GCFC2: variants seen among roughly 807,000 people sequenced by gnomAD.
GCFC2 encodes intron Large complex component GCFC2.
Under a neutral mutation model 99.4 loss-of-function variants are expected in GCFC2, and 102 were observed. That is an observed-to-expected ratio of 1.03 (90% confidence interval 0.87 to 1.21). The LOEUF is 1.21. GCFC2 is among the 50% of genes most tolerant of loss of function. GCFC2 has a pLI of 0.00. For synonymous variants in GCFC2, 338 were observed against 316.8 expected (o/e 1.07, Z -0.71); for missense variants, 973 against 920.9 (o/e 1.06, Z -0.73).
intron 2 of GCFC2, among the ~76,000 whole-genome samples, chr2:75,705,404 A>G (rs1680807542): frequency 6.6e-6 from 1 of 152,052 alleles, no homozygotes; most frequent in Non-Finnish European, 1.5e-5. Context: ...TGGGCAGATC[A>G]AGAGGTCAGG....
intron 11 of GCFC2, among the ~76,000 whole-genome samples, chr2:75,687,449 A>G (rs1679870708): frequency 6.6e-6 from 1 of 152,186 alleles, no homozygotes; most frequent in South Asian, 2.1e-4. Flanking sequence ...GAGATACTGT[A>G]GCACTTGGAA....
chr2:75,686,898 C>T (rs561038728), intron 11 of GCFC2, among the ~76,000 whole-genome samples: 151 of 152,150 alleles, frequency 9.9e-4, no homozygotes, highest in Middle Eastern at 6.8e-3. Flanking sequence ...ATGTTAAGTG[C>T]TCATAGCTGC....
intron 12 of GCFC2, among the ~76,000 whole-genome samples, chr2:75,679,169 T>G (rs1376735434): frequency 2.0e-5 from 3 of 152,252 alleles, no homozygotes; most frequent in Non-Finnish European, 4.4e-5. Flanking sequence ...TGAGATTACA[T>G]GCTTCTTGAA....
At chr2:75,680,984 TC>T (rs911557770) in intron 11 of GCFC2, among the ~76,000 whole-genome samples, 4 of 152,222 alleles carry the variant, frequency 2.6e-5, no homozygotes, top group African/African-American at 7.2e-5. Flanking sequence ...GTGGATGAGA[TC>T]CCAAGCCTTT....
In GCFC2 at chr2:75,691,957, G is replaced by A; in HGVS notation, c.1144+20C>T. 1 of 1,349,718 alleles carries A rather than the reference G, an allele frequency of 7.4e-7. No individual in the cohort carries two copies. The highest frequency in any genetic ancestry group is 1.7e-5 in the South Asian group (1 of 57,950). 83.6% of individuals were successfully genotyped at this position (1,349,718 alleles called of 1,614,324 possible). A position where few individuals can be genotyped will look rare whatever the true frequency, so the allele number is the denominator to read the frequency against. ...TAGCTTAATGAATAATAAATTGTAT[G>A]GAACACGAAAAACACTAACGTGATA... On this transcript the variant is annotated intron_variant, in intron 7 of 16. Transcript: ENST00000321027.
chr2:75,696,392 C>A, intron 4 of GCFC2, 77 bp from the exon 5 acceptor site: 1 of 678,940 alleles, frequency 1.5e-6, no homozygotes, highest in Non-Finnish European at 2.7e-6. Context: ...TGTAAAGGGA[C>A]TGGATGATCC....
Position 75,664,802 on chromosome 2 carries a change from T to C in GCFC2, c.2229-19A>G, listed in dbSNP as rs372891565. On this transcript the variant is annotated intron_variant, in intron 16 of 16. Transcript: ENST00000321027. Reference sequence around the variant, plus strand: ...TTCATCCCTGAAAAACAAAACAAATTTCTCCCTTTAAAAATGCAATGTATG... The same window carrying C: ...TTCATCCCTGAAAAACAAAACAAATCTCTCCCTTTAAAAATGCAATGTATG... 8.4e-7 allele frequency: 1 copy of C among 1,189,844 alleles called. No individual in the cohort carries two copies. The allele number at this position is 1,189,844 out of a possible 1,614,324, so 73.7% of individuals were successfully genotyped here. A position where few individuals can be genotyped will look rare whatever the true frequency, so the allele number is the denominator to read the frequency against.
chr2:75,696,115 C>A, intron 5 of GCFC2, 85 bp downstream of exon 5: 1 of 614,432 alleles, frequency 1.6e-6, no homozygotes, highest in East Asian at 2.8e-5. Flanking sequence ...AATATCAGTA[C>A]TTAATAATCT....
intron 3 of GCFC2, chr2:75,701,675 AAATAAATTGT>A (rs1302121384): frequency 5.4e-6 from 1 of 184,432 alleles, no homozygotes; most frequent in Non-Finnish European, 1.1e-5. Flanking sequence ...AAACACTTAA[AAATAAATTGT>A]AAGGAACTAA....
chr2:75,690,823 T>G (rs1573070624), intron 7 of GCFC2, 104 bp from the exon 8 acceptor site: 2 of 637,610 alleles, frequency 3.1e-6, no homozygotes, highest in East Asian at 2.7e-5. Context: ...CATATGCATA[T>G]GTAAATACAT....
At chr2:75,679,846 G>T in intron 12 of GCFC2, 1 of 406,700 alleles carries the variant, frequency 2.5e-6, no homozygotes, top group Non-Finnish European at 4.3e-6. Context: ...TCACTGAACA[G>T]AGAAAAGTAA....
chr2:75,704,927 C>T (rs2298944), intron 2 of GCFC2, among the ~76,000 whole-genome samples: 11 of 152,164 alleles, frequency 7.2e-5, no homozygotes, highest in Non-Finnish European at 1.2e-4. Context: ...CCATCCACCT[C>T]GGCCTCCCAA....
intron 15 of GCFC2, among the ~76,000 whole-genome samples, chr2:75,668,947 T>C (rs1224346953): frequency 6.6e-6 from 1 of 152,202 alleles, no homozygotes; most frequent in Non-Finnish European, 1.5e-5. Flanking sequence ...CCTGCAATGA[T>C]GGAACTGTTG....
At chr2:75,691,025 A>G (rs1289896354) in intron 7 of GCFC2, among the ~76,000 whole-genome samples, 1 of 152,108 alleles carries the variant, frequency 6.6e-6, no homozygotes, top group African/African-American at 2.4e-5. Context: ...AGTAGTTTCT[A>G]CCAGTTTTTT....
At position 75,689,992 on chromosome 2, in the gene GCFC2, A is replaced by G; in HGVS notation, c.1316T>C (p.Met439Thr). 6.3e-7 allele frequency: 1 copy of G among 1,597,878 alleles called. No homozygotes were observed. The highest frequency in any genetic ancestry group is 1.3e-5 in the African/African-American group (1 of 74,666). ...SSDDELPSAE[M>T]IDFQKSQGDI... The stretch of plus-strand genomic sequence containing the variant: ...ACCTTGGCTTTTTTGGAAGTCAATC[A>G]TCTCTGCTGAAGGCAGTTCATCATC... Residue 439 changes from methionine to threonine, a missense_variant, in exon 9 of 17, where the codon ATG becomes ACG. Physicochemically the swap from Met to Thr is moderately conservative, Grantham distance 81. Coordinates refer to ENST00000321027, the MANE Select transcript of GCFC2 (RefSeq NM_003203.5).
chr2:75,666,133 T>G, intron 15 of GCFC2, 80 bp from the exon 16 acceptor site: 1 of 979,472 alleles, frequency 1.0e-6, no homozygotes, highest in Non-Finnish European at 1.5e-6. Context: ...AGTGATACTG[T>G]AAGCTGAGTA....
chr2:75,699,369 T>C (rs529441979), intron 4 of GCFC2, among the ~76,000 whole-genome samples: 18 of 152,344 alleles, frequency 1.2e-4, no homozygotes, highest in African/African-American at 4.3e-4. Flanking sequence ...ACAAGTATCA[T>C]GATAAAATTA....
At chr2:75,680,870 A>G (rs991505108) in intron 11 of GCFC2, among the ~76,000 whole-genome samples, 19 of 152,110 alleles carry the variant, frequency 1.2e-4, no homozygotes. Context: ...CTACCACAGC[A>G]TCTACACACC....
At chr2:75,687,040 T>A (rs1401825204) in intron 11 of GCFC2, among the ~76,000 whole-genome samples, 1 of 151,950 alleles carries the variant, frequency 6.6e-6, no homozygotes, top group African/African-American at 2.4e-5. Context: ...GTTTAAGCAA[T>A]TCTCCTGCCT....
Sources: gnomAD v4.1 joint callset for allele counts (sites outside exome capture counted in the v4.1 genomes callset) on GRCh38, gnomAD v4.1.1 for gene constraint, MANE v1.5 for transcripts, NCBI Gene and HGNC (gene_info 2026-07-23, HGNC 2026-07-21) for gene names.